KANK2: variants seen among roughly 807,000 people sequenced by gnomAD.
KANK2 encodes KN motif and ankyrin repeat domain-containing protein 2.
A neutral mutation model predicts 74.6 loss-of-function variants in KANK2; 41 were observed. The ratio of observed to expected loss-of-function variants is 0.55; its 90% CI spans 0.43 to 0.71. The LOEUF (loss-of-function observed/expected upper bound fraction) is 0.71. Ranked by LOEUF, KANK2 falls within the 30% of genes least tolerant of loss-of-function variation. The pLI, the probability that KANK2 is intolerant of heterozygous loss-of-function variation, is 0.00. For synonymous variants in KANK2, 537 were observed against 519.0 expected, an observed-to-expected ratio of 1.03 and a Z score of -0.47; for missense variants, 1,148 against 1,196.4, an observed-to-expected ratio of 0.96 and a Z score of 0.60.
At chr19:11,185,142 G>A (rs1029702527) in intron 4 of KANK2, among the ~76,000 whole-genome samples, 1 of 148,538 alleles carries the variant, frequency 6.7e-6, no homozygotes, top group Non-Finnish European at 1.5e-5. Flanking sequence ...TGGGCTTGCC[G>A]GGCATGGTGG....
rs2077976268 is a variant in KANK2, at chr19:11,164,507, T to C, written c.*2051A>G. 1 of 152,166 alleles carries C rather than the reference T, an allele frequency of 6.6e-6. No homozygotes were observed. Among genetic ancestry groups the C allele is most frequent in the Non-Finnish European group, 1.5e-5 (1 of 68,042 alleles). The allele number at this position is 152,166 out of a possible 1,614,324, so 9.4% of individuals were successfully genotyped here. On this transcript the variant is annotated 3_prime_UTR_variant, in exon 13 of 13. Coordinates refer to ENST00000586659, the MANE Select transcript of KANK2 (RefSeq NM_001136191.3). ...ACCCATCTCAGGGGTCACGCATTCC[T>C]GGGCCAAGGAGTTGCTTCTAAGAGC...
intron 6 of KANK2, 124 bp from the exon 7 acceptor site, chr19:11,176,941 G>A (rs2078359242): frequency 8.9e-7 from 1 of 1,122,900 alleles, no homozygotes; most frequent in Non-Finnish European, 1.2e-6. Flanking sequence ...TTCAATGGCA[G>A]TATTGACATT....
At chr19:11,180,281 G>C (rs1436590812) in intron 4 of KANK2, among the ~76,000 whole-genome samples, 1 of 152,052 alleles carries the variant, frequency 6.6e-6, no homozygotes, top group Admixed American at 6.6e-5. Flanking sequence ...TTTTCTTTGT[G>C]ACAGGGTCTT....
At chr19:11,190,303 T>C (rs1256176727) in intron 4 of KANK2, among the ~76,000 whole-genome samples, 1 of 152,112 alleles carries the variant, frequency 6.6e-6, no homozygotes, top group African/African-American at 2.4e-5. Flanking sequence ...AATTTTTGTA[T>C]TTTTAGTAGT....
intron 4 of KANK2, among the ~76,000 whole-genome samples, chr19:11,180,336 C>A (rs934992524): frequency 9.2e-5 from 14 of 152,096 alleles, no homozygotes; most frequent in Admixed American, 6.6e-5. Context: ...CGCAAGGGAT[C>A]CTCCCACCTC....
At position 11,193,915 on chromosome 19, in the gene KANK2, C is replaced by T; in HGVS notation, c.165G>A (p.Lys55=). 6.2e-7 allele frequency: 1 copy of T among 1,613,934 alleles called. No homozygotes were observed. The highest frequency in any genetic ancestry group is 2.2e-5 in the East Asian group (1 of 44,876). ...DFLKYVDDIE[K]GHTLRRVAVQ... ...CTGCCACGCGTCGCAGCGTGTGGCC[C>T]TTCTCGATGTCATCCACGTACTTGA... is the stretch of plus-strand genomic sequence containing the variant. The change falls in exon 4 of 13, where the codon AAG becomes AAA. Residue 55 remains lysine (K), a synonymous_variant. Transcript: ENST00000586659. This position sits in a 1 kb window ranked among gnomAD's most constrained non-coding sequence, Gnocchi z 9.6.
chr19:11,169,783 A>G lies in KANK2; in HGVS notation c.2502+94T>C, dbSNP rs2078120376. On this transcript the variant is annotated intron_variant, in intron 12 of 12. Transcript: ENST00000586659. Reference sequence around the variant, plus strand: ...GCCACCGCACTCCACCCTGGGCGACAGAGTGAGACTCTGCCTCAAAAACAA... The same window carrying G: ...GCCACCGCACTCCACCCTGGGCGACGGAGTGAGACTCTGCCTCAAAAACAA... 6.6e-6 allele frequency: 7 copies of G among 1,064,412 alleles called. 1 individual carries two copies. Among genetic ancestry groups the G allele is most frequent in the South Asian group, 5.6e-5 (4 of 71,384 alleles). 65.9% of individuals were successfully genotyped at this position (1,064,412 alleles called of 1,614,324 possible). A position where few individuals can be genotyped will look rare whatever the true frequency, so the allele number is the denominator to read the frequency against.
Position 11,194,481 on chromosome 19 carries a change from AGG to A in KANK2, c.29_30del (p.Pro10LeufsTer42). ...CTTCCCTGAGTCCCCTGACCTGGGAAGGGAGCAGGCACGTGCAGGACCTGGGC... is the reference window on the plus strand; with the variant it reads ...CTTCCCTGAGTCCCCTGACCTGGGAAGAGCAGGCACGTGCAGGACCTGGGC... Reference protein sequence around the residue: MAQVLHVPAPFPGTPGPASP... With the variant: MAQVLHVPAXFPGTPGPASP... On this transcript the variant is annotated frameshift_variant, in exon 3 of 13. Coordinates refer to ENST00000586659, the MANE Select transcript of KANK2 (RefSeq NM_001136191.3). LOFTEE classifies it high-confidence loss of function. 6.2e-7 allele frequency: 1 copy of A among 1,611,770 alleles called. No homozygotes were observed. The highest frequency in any genetic ancestry group is 8.5e-7 in the Non-Finnish European group (1 of 1,179,064).
intron 4 of KANK2, among the ~76,000 whole-genome samples, chr19:11,181,602 G>A (rs1021441867): frequency 1.3e-5 from 2 of 152,098 alleles, no homozygotes; most frequent in African/African-American, 4.8e-5. Flanking sequence ...CCAGGGGCTG[G>A]GGGAAGGAGA....
chr19:11,194,162 T>A, intron 3 of KANK2, 120 bp from the exon 4 acceptor site: 1 of 1,079,232 alleles, frequency 9.3e-7, no homozygotes, highest in Non-Finnish European at 1.3e-6. Context: ...CACCTGGTAC[T>A]CAACCGCGTC....
chr19:11,165,052 T>C lies in KANK2; in HGVS notation c.*1506A>G, dbSNP rs539222096. On this transcript the variant is annotated 3_prime_UTR_variant, in exon 13 of 13. Coordinates refer to ENST00000586659, the MANE Select transcript of KANK2 (RefSeq NM_001136191.3). ...TTTTTAGAGGCTTGGAACCCTTCCC[T>C]TTCTGTTGCTCACCAAGGAAAAGGC... is the stretch of plus-strand genomic sequence containing the variant. 1 of 152,286 alleles carries C rather than the reference T, an allele frequency of 6.6e-6. No individual in the cohort carries two copies. The highest frequency in any genetic ancestry group is 1.9e-4 in the East Asian group (1 of 5,180). The allele number at this position is 152,286 out of a possible 1,614,324, so 9.4% of individuals were successfully genotyped here. A position where few individuals can be genotyped will look rare whatever the true frequency, so the allele number is the denominator to read the frequency against.
Position 11,175,992 on chromosome 19 carries a change from G to T in KANK2, c.1761-3C>A. 1 of 1,611,986 alleles carries T rather than the reference G, an allele frequency of 6.2e-7. No homozygotes were observed. Among genetic ancestry groups the T allele is most frequent in the African/African-American group, 1.3e-5 (1 of 74,994 alleles). ...TGAGGTCAGGGCTTAGCTCCATCCT[G>T]CCAGGAACAGACAAAGCGGGGAACT... is the stretch of plus-strand genomic sequence containing the variant. On this transcript the variant is annotated splice_polypyrimidine_tract_variant and splice_region_variant and intron_variant, in intron 7 of 12. Coordinates refer to ENST00000586659, the MANE Select transcript of KANK2 (RefSeq NM_001136191.3).
intron 12 of KANK2, 65 bp from the exon 13 acceptor site, chr19:11,166,676 G>T: frequency 6.7e-7 from 1 of 1,499,986 alleles, no homozygotes; most frequent in Non-Finnish European, 9.3e-7. Flanking sequence ...GCGCCAACGT[G>T]GTGGCTGGCC....
rs59342063 is a variant in KANK2, at chr19:11,184,374, TCAAAAACAAAAA to T, written c.1250-5666_1250-5655del. 2.0e-5 allele frequency among the ~76,000 whole-genome samples: 3 copies of T among 148,206 alleles called. No homozygotes were observed. In the Admixed American group the frequency reaches 2.1e-4, roughly 10 times the overall value. On this transcript the variant is annotated intron_variant, in intron 4 of 12. Transcript: ENST00000586659. ...CTGGATGACAGAGCGAAACTCTGTC[TCAAAAACAAAAA>T]CAAAAACAAAAATGAAGACCTCTGA... is the stretch of plus-strand genomic sequence containing the variant.
At chr19:11,191,189 C>T (rs10402429) in intron 4 of KANK2, among the ~76,000 whole-genome samples, 5,728 of 144,478 alleles carry the variant, frequency 0.04, 357 homozygotes, top group African/African-American at 0.14. Context: ...TACAGGTGTG[C>T]GCCACCACGC....
Position 11,193,490 on chromosome 19 carries a change from C to A in KANK2, c.590G>T (p.Arg197Leu). 1 of 1,610,754 alleles carries A rather than the reference C, an allele frequency of 6.2e-7. No individual in the cohort carries two copies. The highest frequency in any genetic ancestry group is 1.1e-5 in the South Asian group (1 of 91,078). ...HVREQMAGALRKLRQLEEQVK... is the reference protein window; with the variant it reads ...HVREQMAGALLKLRQLEEQVK... ...CTGCTCCTCCAGCTGCCGCAGCTTCCGCAGGGCACCCGCCATCTGCTCCCG... is the reference window on the plus strand; with the variant it reads ...CTGCTCCTCCAGCTGCCGCAGCTTCAGCAGGGCACCCGCCATCTGCTCCCG... The change falls in exon 4 of 13, where the codon CGG (arginine) becomes CTG (leucine). Residue 197 changes from arginine to leucine, a missense_variant. Transcript: ENST00000586659. This position sits in a 1 kb window ranked among gnomAD's most constrained non-coding sequence, Gnocchi z 9.6.
chr19:11,188,374 A>C (rs769754310), intron 4 of KANK2, among the ~76,000 whole-genome samples: 1 of 150,174 alleles, frequency 6.7e-6, no homozygotes, highest in Non-Finnish European at 1.5e-5. Flanking sequence ...ACACCTGGCT[A>C]ATTTTTGTAT....
In KANK2 at chr19:11,176,029, G is replaced by A. The variant is rs11880059; in HGVS notation, c.1761-40C>T. ...CAAAGCGGGGAACTAAGTAAGCCCCGCTGCGGTGCCTGGGAAGGGACTTGA... is the reference window on the plus strand; with the variant it reads ...CAAAGCGGGGAACTAAGTAAGCCCCACTGCGGTGCCTGGGAAGGGACTTGA... On this transcript the variant is annotated intron_variant, in intron 7 of 12. Coordinates refer to ENST00000586659, the MANE Select transcript of KANK2 (RefSeq NM_001136191.3). 0.052 allele frequency: 78,182 copies of A among 1,517,052 alleles called. 3,178 individuals are homozygous for A. The highest frequency in any genetic ancestry group is 0.2 in the East Asian group (8,975 of 44,078). 94.0% of individuals were successfully genotyped at this position (1,517,052 alleles called of 1,614,324 possible). A position where few individuals can be genotyped will look rare whatever the true frequency, so the allele number is the denominator to read the frequency against.
chr19:11,183,306 G>C (rs1372898898), intron 4 of KANK2, among the ~76,000 whole-genome samples: 2 of 152,160 alleles, frequency 1.3e-5, no homozygotes, highest in African/African-American at 2.4e-5. Flanking sequence ...GGGAGACGGT[G>C]GATTCTGTGG....
Sources: gnomAD v4.1 joint callset for allele counts (sites outside exome capture counted in the v4.1 genomes callset) on GRCh38, gnomAD v4.1.1 for gene constraint, Gnocchi (gnomAD v3.1) non-coding constraint, MANE v1.5 for transcripts, NCBI Gene and HGNC (gene_info 2026-07-23, HGNC 2026-07-21) for gene names.